Variants in KCNMA1 observed in about 807,000 individuals in gnomAD.
KCNMA1 encodes potassium calcium-activated channel subfamily M alpha 1.
A neutral mutation model predicts 140.0 loss-of-function variants in KCNMA1; 29 were observed. The ratio of observed to expected loss-of-function variants is 0.21; its 90% confidence interval spans 0.15 to 0.28. The LOEUF (loss-of-function observed/expected upper bound fraction) is 0.28, where lower values mean the gene tolerates loss of function less well. KCNMA1 is among the 10% of genes least tolerant of loss of function. KCNMA1 has a pLI of 1.00. For missense variants in KCNMA1, 880 were observed against 1,602.2 expected, an observed-to-expected ratio of 0.55 and a Z score of 7.70; for synonymous variants, 612 against 611.9, an observed-to-expected ratio of 1.00 and a Z score of 0.00.
At chr10:77,083,124 CAGTT>C (rs1286764470) in intron 12 of KCNMA1, among the ~76,000 whole-genome samples, 3 of 152,166 alleles carry the variant, frequency 2.0e-5, no homozygotes, top group African/African-American at 4.8e-5. Context: ...TGGCTGTTCA[CAGTT>C]AGGTAAAAGT....
At chr10:77,431,681 T>TAAAAAAAAAAA (rs71028276) in intron 1 of KCNMA1, among the ~76,000 whole-genome samples, 1 of 75,438 alleles carries the variant, frequency 1.3e-5, no homozygotes, top group African/African-American at 4.8e-5. Flanking sequence ...TGGTCTGTTG[T>TAAAAAAAAAAA]AAAAAAAAAA....
rs145700205 is a variant in KCNMA1, at chr10:77,026,038, A to T, written c.1928+1785T>A. Among the ~76,000 whole-genome samples the T allele has an allele frequency of 3.1e-3, 464 of 150,948 alleles. 2 individuals carry two copies. Among genetic ancestry groups the T allele is most frequent in the South Asian group, 6.1e-3 (29 of 4,790 alleles). On this transcript the variant is annotated intron_variant, in intron 16 of 27. Transcript: ENST00000286628. ...ATATATACTAAAAACTATATCTACA[A>T]ATATGGCTTTGTTGAAAACATCTCA... is the stretch of plus-strand genomic sequence containing the variant.
intron 19 of KCNMA1, chr10:76,979,877 AGAACACTTTAGAAATACAGTAT>A (rs1290381176): frequency 6.6e-6 from 1 of 152,206 alleles, no homozygotes; most frequent in Non-Finnish European, 1.5e-5. Context: ...ATATTCTGCC[AGAACACTTTAGAAATACAGTAT>A]GCTTTTAACC....
intron 2 of KCNMA1, among the ~76,000 whole-genome samples, chr10:77,361,928 G>A (rs562705300): frequency 3.9e-4 from 60 of 152,330 alleles, no homozygotes; most frequent in South Asian, 3.5e-3. Flanking sequence ...ATGGGCTCAG[G>A]AACTGCCATT....
chr10:77,256,133 T>C (rs2060696830), intron 2 of KCNMA1, among the ~76,000 whole-genome samples: 1 of 152,168 alleles, frequency 6.6e-6, no homozygotes, highest in Non-Finnish European at 1.5e-5. Context: ...GATGGAGCAC[T>C]TCAGGAAAAA....
chr10:77,446,049 C>T (rs548536109), intron 1 of KCNMA1, among the ~76,000 whole-genome samples: 163 of 152,172 alleles, frequency 1.1e-3, no homozygotes, highest in South Asian at 1.2e-3. Flanking sequence ...AGGCTGGCAT[C>T]GGGAGGGAGC....
At chr10:77,158,947 G>A (rs956603012) in intron 5 of KCNMA1, among the ~76,000 whole-genome samples, 1 of 152,290 alleles carries the variant, frequency 6.6e-6, no homozygotes, top group East Asian at 1.9e-4. Flanking sequence ...TTGAGCAACG[G>A]CACACCCTTC....
chr10:77,451,168 C>T (rs899393337), intron 1 of KCNMA1, among the ~76,000 whole-genome samples: 2 of 152,162 alleles, frequency 1.3e-5, no homozygotes, highest in African/African-American at 4.8e-5. Flanking sequence ...CTGGCTTAGC[C>T]TAGAGCCTCA....
At chr10:77,585,443 G>A (rs1180338086) in intron 1 of KCNMA1, among the ~76,000 whole-genome samples, 1 of 152,214 alleles carries the variant, frequency 6.6e-6, no homozygotes, top group Non-Finnish European at 1.5e-5. Context: ...TAAGAGGAGT[G>A]AAGGTAATGC....
intron 16 of KCNMA1, among the ~76,000 whole-genome samples, chr10:77,026,331 A>T (rs1450863885): frequency 6.6e-6 from 1 of 152,128 alleles, no homozygotes; most frequent in Non-Finnish European, 1.5e-5. Flanking sequence ...TTTTTTTTTG[A>T]AAGATGCACA....
At chr10:76,930,441 A>C (rs866464992) in intron 23 of KCNMA1, among the ~76,000 whole-genome samples, 1 of 152,216 alleles carries the variant, frequency 6.6e-6, no homozygotes, top group Non-Finnish European at 1.5e-5. Context: ...CATACCTGTT[A>C]AGATTGCTAT....
chr10:77,628,280 C>G (rs1054710665), intron 1 of KCNMA1, among the ~76,000 whole-genome samples: 7 of 152,136 alleles, frequency 4.6e-5, no homozygotes, highest in African/African-American at 1.7e-4. Context: ...ACAGTCTTGC[C>G]TTAAAAACTC....
intron 6 of KCNMA1, among the ~76,000 whole-genome samples, chr10:77,117,560 A>AAAAAAAAAAAAAAAAAAAAAAAAAAAAAG (rs2097508215): frequency 6.7e-6 from 1 of 149,882 alleles, no homozygotes; most frequent in Admixed American, 6.8e-5. Flanking sequence ...AAAAAAAAAA[A>AAAAAAAAAAAAAAAAAAAAAAAAAAAAAG]AAAAAGAAAA....
intron 1 of KCNMA1, among the ~76,000 whole-genome samples, chr10:77,552,306 T>C (rs1405700035): frequency 2.6e-5 from 4 of 152,146 alleles, no homozygotes; most frequent in Admixed American, 2.0e-4. Context: ...GCCTGTCTGG[T>C]TTGAATCTTA....
intron 1 of KCNMA1, among the ~76,000 whole-genome samples, chr10:77,490,767 C>T (rs919484953): frequency 6.6e-6 from 1 of 152,216 alleles, no homozygotes; most frequent in Non-Finnish European, 1.5e-5. Flanking sequence ...AAATTCATTC[C>T]TCCCTGGGCC....
Position 77,073,232 on chromosome 10 carries a change from C to G in KCNMA1, c.1614G>C (p.Pro538=), listed in dbSNP as rs368568833. The change falls in exon 14 of 28, where the codon CCG becomes CCC. Residue 538 remains proline, a synonymous_variant. Transcript: ENST00000286628. ...YHNKAHLLNI[P]SWNWKEGDDA... is the part of the protein sequence containing the mutation. ...CATCACCTTCTTTCCAATTCCAGCT[C>G]GGGATGTTTAGCAGATGGGCCTGGG... 6.2e-7 allele frequency: 1 copy of G among 1,614,152 alleles called. No homozygotes were observed. Among genetic ancestry groups the G allele is most frequent in the South Asian group, 1.1e-5 (1 of 91,072 alleles).
chr10:77,197,535 A>G (rs2040930025), intron 3 of KCNMA1, among the ~76,000 whole-genome samples: 1 of 152,222 alleles, frequency 6.6e-6, no homozygotes, highest in Non-Finnish European at 1.5e-5. Flanking sequence ...CCTTTGTGAT[A>G]TCACAGCAAA....
chr10:77,330,043 T>C (rs2085777963), intron 2 of KCNMA1, among the ~76,000 whole-genome samples: 1 of 152,204 alleles, frequency 6.6e-6, no homozygotes, highest in African/African-American at 2.4e-5. Context: ...CGTAACCACA[T>C]ATTGGTTTGC....
intron 2 of KCNMA1, among the ~76,000 whole-genome samples, chr10:77,371,630 C>A (rs757323104): frequency 7.9e-5 from 12 of 152,188 alleles, no homozygotes; most frequent in Non-Finnish European, 1.6e-4. Context: ...TCTTGCTCCA[C>A]TGGTCAAAGT....
Sources: allele counts gnomAD v4.1 joint callset (sites outside exome capture counted in the v4.1 genomes callset), GRCh38; gene constraint gnomAD v4.1.1; transcripts MANE v1.5; gene names NCBI Gene and HGNC (gene_info 2026-07-23, HGNC 2026-07-21).